Variants in PRKG1 observed in about 807,000 individuals in gnomAD.
PRKG1 encodes protein kinase cGMP-dependent 1.
A neutral mutation model predicts 88.1 loss-of-function variants in PRKG1; 35 were observed. The ratio of observed to expected loss-of-function variants is 0.40; its 90% CI spans 0.30 to 0.53. The LOEUF is 0.53. Among genes scored for constraint, PRKG1 ranks in the 20% least tolerant of loss-of-function variants. The probability of loss-of-function intolerance (pLI) is 0.59; values close to 1 mark genes in which losing one functional copy is unlikely to be tolerated. For synonymous variants in PRKG1, 303 were observed against 292.5 expected, an observed-to-expected ratio of 1.04 and a Z score of -0.37; for missense variants, 540 against 839.8, an observed-to-expected ratio of 0.64 and a Z score of 4.41.
intron 2 of PRKG1, among the ~76,000 whole-genome samples, chr10:51,312,082 G>C (rs1244236883): frequency 6.6e-6 from 1 of 152,148 alleles, no homozygotes; most frequent in African/African-American, 2.4e-5. Flanking sequence ...ATGTTGGTCA[G>C]GTTGGTCTCG....
chr10:51,408,413 A>T (rs58370823), intron 2 of PRKG1, among the ~76,000 whole-genome samples: 1 of 152,218 alleles, frequency 6.6e-6, no homozygotes, highest in Non-Finnish European at 1.5e-5. Context: ...ATGGAATACC[A>T]CAGTGGTGGA....
intron 4 of PRKG1, among the ~76,000 whole-genome samples, chr10:51,840,811 G>A (rs1405803825): frequency 6.6e-6 from 1 of 152,072 alleles, no homozygotes; most frequent in African/African-American, 2.4e-5. Flanking sequence ...CTCCCAAAGT[G>A]CTGGGATTAC....
chr10:52,060,695 C>T, intron 6 of PRKG1, among the ~76,000 whole-genome samples: 1 of 151,680 alleles, frequency 6.6e-6, no homozygotes, highest in East Asian at 1.9e-4. Context: ...GCATTTTCAT[C>T]CATTGATGGT....
intron 5 of PRKG1, among the ~76,000 whole-genome samples, chr10:51,978,430 C>A (rs1202258041): frequency 2.5e-5 from 3 of 119,890 alleles, no homozygotes; most frequent in Non-Finnish European, 3.3e-5. Flanking sequence ...CTTGGCCATT[C>A]GGGCTCTTTT....
intron 5 of PRKG1, among the ~76,000 whole-genome samples, chr10:51,967,754 G>A (rs1843608324): frequency 6.6e-6 from 1 of 152,012 alleles, no homozygotes; most frequent in African/African-American, 2.4e-5. Flanking sequence ...TCCTTCCCTA[G>A]CGTCATGGGT....
intron 3 of PRKG1, among the ~76,000 whole-genome samples, chr10:51,553,555 C>T (rs1397408775): frequency 2.0e-5 from 3 of 151,516 alleles, no homozygotes; most frequent in Non-Finnish European, 3.0e-5. Flanking sequence ...CAAATCTTGC[C>T]TCTTTCCATT....
intron 3 of PRKG1, among the ~76,000 whole-genome samples, chr10:51,627,920 C>CCCTTCCTTCCCTTCCTTCCCTTCCTT (rs1839383867): frequency 1.3e-5 from 1 of 74,896 alleles, no homozygotes; most frequent in South Asian, 6.6e-4. Context: ...TCCCTTCCTT[C>CCCTTCCTTCCCTTCCTTCCCTTCCTT]CCTTCCTTTC....
intron 2 of PRKG1, among the ~76,000 whole-genome samples, chr10:51,318,429 A>T (rs1841375373): frequency 6.6e-6 from 1 of 152,216 alleles, no homozygotes; most frequent in Non-Finnish European, 1.5e-5. Context: ...AAGGACTCAA[A>T]TGGTATTGAC....
intron 3 of PRKG1, among the ~76,000 whole-genome samples, chr10:51,769,905 G>C (rs1374670503): frequency 6.6e-6 from 1 of 152,206 alleles, no homozygotes. Context: ...TTTTAAGAAA[G>C]TTAATGAATT....
At chr10:51,506,536 A>G (rs898757694) in intron 3 of PRKG1, among the ~76,000 whole-genome samples, 3 of 152,188 alleles carry the variant, frequency 2.0e-5, no homozygotes, top group Admixed American at 1.3e-4. Context: ...ATGCAGCCAA[A>G]AGACACATGA....
chr10:51,333,637 T>G (rs1158019983), intron 2 of PRKG1, among the ~76,000 whole-genome samples: 1 of 152,220 alleles, frequency 6.6e-6, no homozygotes, highest in Non-Finnish European at 1.5e-5. Flanking sequence ...TTGTATAAAA[T>G]TATTTCAAAT....
intron 5 of PRKG1, among the ~76,000 whole-genome samples, chr10:51,945,599 G>A (rs1050233034): frequency 6.6e-6 from 1 of 151,808 alleles, no homozygotes; most frequent in African/African-American, 2.4e-5. Flanking sequence ...GGTATGGGTT[G>A]TTCCTTTCCA....
chr10:51,696,460 T>A (rs561666634), intron 3 of PRKG1: 2 of 151,748 alleles, frequency 1.3e-5, no homozygotes, highest in African/African-American at 4.8e-5. Context: ...TGACTCAGAT[T>A]TAGGGTTTAA....
chr10:51,633,897 A>G (rs1443560117), intron 3 of PRKG1, among the ~76,000 whole-genome samples: 1 of 152,170 alleles, frequency 6.6e-6, no homozygotes, highest in African/African-American at 2.4e-5. Context: ...TAGATTTTCT[A>G]ACAAGAACAG....
At chr10:51,943,384 T>C (rs529942488) in intron 5 of PRKG1, among the ~76,000 whole-genome samples, 24 of 151,840 alleles carry the variant, frequency 1.6e-4, no homozygotes, top group Admixed American at 2.0e-4. Flanking sequence ...AGATATACAA[T>C]CATGTCATCT....
chr10:51,580,949 G>C (rs1838016399), intron 3 of PRKG1, among the ~76,000 whole-genome samples: 1 of 152,106 alleles, frequency 6.6e-6, no homozygotes, highest in Non-Finnish European at 1.5e-5. Context: ...TTTGTTCCCA[G>C]GTGGATCAGC....
chr10:51,022,749 A>G (rs1478994270), intron 1 of PRKG1, among the ~76,000 whole-genome samples: 1 of 152,242 alleles, frequency 6.6e-6, no homozygotes, highest in African/African-American at 2.4e-5. Context: ...TGAATAACAA[A>G]TATAGAAGTG....
At chr10:51,186,084 T>C (rs1027560543) in intron 2 of PRKG1, among the ~76,000 whole-genome samples, 1 of 152,020 alleles carries the variant, frequency 6.6e-6, no homozygotes, top group Non-Finnish European at 1.5e-5. Context: ...AATCTTTTTG[T>C]ATCTTAGCAA....
chr10:51,722,541 G>C (rs886463830), intron 3 of PRKG1, among the ~76,000 whole-genome samples: 1 of 151,784 alleles, frequency 6.6e-6, no homozygotes, highest in Non-Finnish European at 1.5e-5. Context: ...TTCATCTTTT[G>C]CAATAACCTT....
Sources: gnomAD v4.1 joint callset for allele counts (sites outside exome capture counted in the v4.1 genomes callset) on GRCh38, gnomAD v4.1.1 for gene constraint, MANE v1.5 for transcripts, NCBI Gene and HGNC (gene_info 2026-07-23, HGNC 2026-07-21) for gene names.